RASA3: variants seen among roughly 807,000 people sequenced by gnomAD.
RASA3 encodes ras GTPase-activating protein 3.
Under a neutral mutation model 110.0 loss-of-function variants are expected in RASA3, and 73 were observed. The ratio of observed to expected loss-of-function variants is 0.66; its 90% CI spans 0.55 to 0.81. RASA3 has a LOEUF of 0.81. Among genes scored for constraint, RASA3 ranks in the 30% least tolerant of loss-of-function variants. The probability of loss-of-function intolerance (pLI) is 0.00; values close to 1 mark genes in which losing one functional copy is unlikely to be tolerated. For missense variants in RASA3, 976 were observed against 1,113.2 expected (o/e 0.88, Z 1.75); for synonymous variants, 500 against 451.4 (o/e 1.11, Z -1.37).
chr13:113,990,898 G>A (rs574821802), intron 22 of RASA3, among the ~76,000 whole-genome samples: 1 of 152,380 alleles, frequency 6.6e-6, no homozygotes, highest in South Asian at 2.1e-4. Context: ...ATGTGCCTGT[G>A]TGTTAGTGTA....
chr13:114,099,265 G>A (rs1294763132), intron 1 of RASA3, among the ~76,000 whole-genome samples: 3 of 151,966 alleles, frequency 2.0e-5, no homozygotes, highest in Admixed American at 6.5e-5. Flanking sequence ...CACAGCAGAC[G>A]CTCCCAAGCC....
intron 3 of RASA3, among the ~76,000 whole-genome samples, chr13:114,042,910 G>C (rs1049050945): frequency 6.6e-6 from 1 of 152,242 alleles, no homozygotes; most frequent in African/African-American, 2.4e-5. Context: ...CAGACGAGCA[G>C]GCCGGGGCTG....
chr13:114,102,606 G>A (rs2080073768), intron 1 of RASA3, among the ~76,000 whole-genome samples: 1 of 152,214 alleles, frequency 6.6e-6, no homozygotes, highest in Non-Finnish European at 1.5e-5. Context: ...AGGAGAAGAT[G>A]CTGAGGCCCA....
intron 7 of RASA3, 143 bp downstream of exon 7, chr13:114,027,246 C>T: frequency 1.3e-6 from 1 of 763,838 alleles, no homozygotes; most frequent in Non-Finnish European, 2.1e-6. Flanking sequence ...CCGGAAGGAA[C>T]CCAGGGCCGG....
At chr13:114,092,370 T>G (rs767115603) in intron 1 of RASA3, among the ~76,000 whole-genome samples, 7 of 152,192 alleles carry the variant, frequency 4.6e-5, no homozygotes, top group Non-Finnish European at 1.0e-4. Context: ...TGTTTCCATT[T>G]TCATTTGTTT....
chr13:113,979,731 C>T (rs1180071930), intron 23 of RASA3, among the ~76,000 whole-genome samples: 1 of 152,176 alleles, frequency 6.6e-6, no homozygotes, highest in African/African-American at 2.4e-5. Context: ...ATGTGCACAT[C>T]TGCACTGCAA....
chr13:114,036,250 C>T (rs184371775), intron 4 of RASA3: 1 of 152,378 alleles, frequency 6.6e-6, no homozygotes, highest in African/African-American at 2.4e-5. Flanking sequence ...GAGCACAACT[C>T]TGCATAATAA....
At chr13:114,106,060 TG>T (rs2139750888) in intron 1 of RASA3, among the ~76,000 whole-genome samples, 1 of 152,216 alleles carries the variant, frequency 6.6e-6, no homozygotes, top group African/African-American at 2.4e-5. Flanking sequence ...GACCGGGTGT[TG>T]GGATGGGTGC....
intron 1 of RASA3, among the ~76,000 whole-genome samples, chr13:114,095,950 TATGAC>T (rs1417025457): frequency 6.6e-6 from 1 of 152,212 alleles, no homozygotes; most frequent in East Asian, 1.9e-4. Context: ...GCAGAGCAAT[TATGAC>T]ATAAAACCAC....
intron 1 of RASA3, among the ~76,000 whole-genome samples, chr13:114,122,799 C>CGAGTGAGGGACG (rs1555345093): frequency 6.6e-6 from 1 of 152,238 alleles, no homozygotes; most frequent in Non-Finnish European, 1.5e-5. Flanking sequence ...AGGTCGGCCC[C>CGAGTGAGGGACG]AGCCCTGACT....
At chr13:114,017,523 G>A (rs1462813134) in intron 11 of RASA3, among the ~76,000 whole-genome samples, 172 bp from the exon 12 acceptor site, 1 of 152,260 alleles carries the variant, frequency 6.6e-6, no homozygotes, top group Non-Finnish European at 1.5e-5. Flanking sequence ...TGGAGGCCCT[G>A]GCCATGGAAC....
intron 1 of RASA3, among the ~76,000 whole-genome samples, chr13:114,123,503 G>A (rs907923601): frequency 5.3e-5 from 8 of 152,242 alleles, no homozygotes; most frequent in Admixed American, 2.6e-4. Flanking sequence ...AACGCCACAC[G>A]AACAGCCAGC....
chr13:114,075,343 G>A (rs928578364), intron 1 of RASA3, among the ~76,000 whole-genome samples: 1 of 152,166 alleles, frequency 6.6e-6, no homozygotes, highest in African/African-American at 2.4e-5. Flanking sequence ...CAACTCCAAA[G>A]GGCAGAGATA....
chr13:113,981,601 T>A, intron 23 of RASA3, 74 bp downstream of exon 23: 16 of 1,505,386 alleles, frequency 1.1e-5, no homozygotes, highest in African/African-American at 1.4e-5. Context: ...GGGAGCTCCC[T>A]GCAGCCCCAC....
At chr13:114,122,203 C>G (rs529759785) in intron 1 of RASA3, among the ~76,000 whole-genome samples, 4 of 152,230 alleles carry the variant, frequency 2.6e-5, no homozygotes, top group African/African-American at 9.6e-5. Flanking sequence ...GCCCCACCCC[C>G]GGCCAGCAAG....
intron 3 of RASA3, 136 bp from the exon 4 acceptor site, chr13:114,041,230 G>A (rs2054399269): frequency 1.3e-6 from 1 of 769,864 alleles, no homozygotes; most frequent in Non-Finnish European, 2.1e-6. Context: ...GCCGGGTGCG[G>A]GGCTCATGCC....
intron 18 of RASA3, among the ~76,000 whole-genome samples, chr13:114,005,462 C>T (rs900071385): frequency 6.6e-6 from 1 of 152,154 alleles, no homozygotes; most frequent in Middle Eastern, 3.4e-3. Context: ...GGGACACAGA[C>T]GTCCCCCTCC....
chr13:114,117,141 A>G (rs929764599), intron 1 of RASA3, among the ~76,000 whole-genome samples: 93 of 51,046 alleles, frequency 1.8e-3, no homozygotes, highest in East Asian at 3.5e-3. Context: ...GTGTGTGAGG[A>G]GAGCACGTGT....
chr13:114,099,118 C>T (rs1327297431), intron 1 of RASA3, among the ~76,000 whole-genome samples: 4 of 41,958 alleles, frequency 9.5e-5, no homozygotes, highest in African/African-American at 3.2e-4. Flanking sequence ...GCCACCCGAG[C>T]CCCCCAGACC....
Sources: gnomAD v4.1 joint callset for allele counts (sites outside exome capture counted in the v4.1 genomes callset) on GRCh38, gnomAD v4.1.1 for gene constraint, MANE v1.5 for transcripts, NCBI Gene and HGNC (gene_info 2026-07-23, HGNC 2026-07-21) for gene names.